Variants in PCDH9 observed in about 807,000 individuals in gnomAD.
PCDH9 encodes the protein protocadherin 9.
PCDH9 carries 24 observed loss-of-function variants against 70.6 expected under a neutral mutation model. The ratio of observed to expected loss-of-function variants is 0.34; its 90% confidence interval spans 0.25 to 0.48. PCDH9 has a LOEUF of 0.48. Among genes scored for constraint, PCDH9 ranks in the 20% least tolerant of loss-of-function variants. The pLI, the probability that PCDH9 is intolerant of heterozygous loss-of-function variation, is 0.99. For missense variants in PCDH9, 1,281 were observed against 1,503.6 expected (o/e 0.85, Z 2.45); for synonymous variants, 562 against 558.5 (o/e 1.01, Z -0.09).
intron 4 of PCDH9, among the ~76,000 whole-genome samples, chr13:66,424,035 GACAA>G (rs1463758857): frequency 2.6e-5 from 4 of 151,982 alleles, no homozygotes; most frequent in Non-Finnish European, 4.4e-5. Context: ...ACCAATAATA[GACAA>G]ACAGAGAGCC....
chr13:67,164,468 G>A (rs2088051346), intron 2 of PCDH9, among the ~76,000 whole-genome samples: 1 of 151,626 alleles, frequency 6.6e-6, no homozygotes, highest in African/African-American at 2.4e-5. Flanking sequence ...CCAGCTACTT[G>A]GGAGGCTGAA....
chr13:66,749,738 C>G (rs1401006320), intron 3 of PCDH9, among the ~76,000 whole-genome samples: 2 of 152,056 alleles, frequency 1.3e-5, no homozygotes, highest in Non-Finnish European at 2.9e-5. Flanking sequence ...AGTTATATAC[C>G]TCTAGGTTCC....
At chr13:66,682,462 T>C (rs999399652) in intron 3 of PCDH9, among the ~76,000 whole-genome samples, 5 of 152,072 alleles carry the variant, frequency 3.3e-5, no homozygotes, top group African/African-American at 1.2e-4. Flanking sequence ...AATTGAGTAC[T>C]CTTTTATGTA....
At chr13:67,052,346 A>G (rs1052232953) in intron 2 of PCDH9, among the ~76,000 whole-genome samples, 1 of 152,062 alleles carries the variant, frequency 6.6e-6, no homozygotes, top group Admixed American at 6.6e-5. Flanking sequence ...AGGCAGTGGA[A>G]AAGTGTGCCC....
chr13:67,036,531 T>C (rs1173198695), intron 2 of PCDH9, among the ~76,000 whole-genome samples: 1 of 152,184 alleles, frequency 6.6e-6, no homozygotes, highest in Non-Finnish European at 1.5e-5. Context: ...TTCAGAAAAC[T>C]GAGACATTCA....
intron 3 of PCDH9, among the ~76,000 whole-genome samples, chr13:66,779,966 G>T (rs918854865): frequency 2.7e-5 from 4 of 148,864 alleles, no homozygotes; most frequent in Admixed American, 1.4e-4. Flanking sequence ...GGAGAAATAG[G>T]GTGATATAGG....
At chr13:66,686,203 G>C (rs1239902096) in intron 3 of PCDH9, among the ~76,000 whole-genome samples, 1 of 152,148 alleles carries the variant, frequency 6.6e-6, no homozygotes, top group Non-Finnish European at 1.5e-5. Flanking sequence ...GGAGGTAATT[G>C]AATAATGGAG....
At chr13:66,407,526 G>A (rs1272161992) in intron 4 of PCDH9, among the ~76,000 whole-genome samples, 1 of 152,098 alleles carries the variant, frequency 6.6e-6, no homozygotes. Flanking sequence ...TAATGTTGTT[G>A]CTGTAGCTGT....
intron 4 of PCDH9, among the ~76,000 whole-genome samples, chr13:66,511,471 C>T (rs1229015404): frequency 1.3e-5 from 2 of 151,494 alleles, no homozygotes; most frequent in Non-Finnish European, 2.9e-5. Context: ...TTACATAGTC[C>T]CTGGAATGTT....
intron 4 of PCDH9, among the ~76,000 whole-genome samples, chr13:66,569,882 T>C (rs2076708389): frequency 6.6e-6 from 1 of 152,152 alleles, no homozygotes; most frequent in Admixed American, 6.6e-5. Context: ...TCTGCAATTG[T>C]CGTATGATTC....
intron 2 of PCDH9, among the ~76,000 whole-genome samples, chr13:67,115,980 C>T (rs1423647177): frequency 1.3e-5 from 2 of 152,116 alleles, no homozygotes; most frequent in African/African-American, 4.8e-5. Context: ...GTTTTGAATC[C>T]AGATGCTGCC....
chr13:66,326,224 C>T (rs1488989724), intron 4 of PCDH9, among the ~76,000 whole-genome samples: 2 of 152,174 alleles, frequency 1.3e-5, no homozygotes, highest in South Asian at 4.2e-4. Flanking sequence ...AATCCTTTCT[C>T]ACTTACATAT....
intron 2 of PCDH9, among the ~76,000 whole-genome samples, chr13:67,010,332 A>T (rs987781974): frequency 6.6e-6 from 1 of 152,002 alleles, no homozygotes; most frequent in Non-Finnish European, 1.5e-5. Context: ...CTAATCAGGT[A>T]AATTAGCAGC....
intron 3 of PCDH9, among the ~76,000 whole-genome samples, chr13:66,680,509 CTG>C (rs1344880208): frequency 6.6e-6 from 1 of 151,898 alleles, no homozygotes; most frequent in Non-Finnish European, 1.5e-5. Flanking sequence ...TCCATTGACT[CTG>C]TAATTTTCTT....
chr13:66,688,859 A>G (rs2078442308), intron 3 of PCDH9, among the ~76,000 whole-genome samples: 1 of 152,168 alleles, frequency 6.6e-6, no homozygotes, highest in South Asian at 2.1e-4. Context: ...ATAGCAAGAC[A>G]TTCATTGTAA....
At chr13:66,394,479 T>A (rs267308) in intron 4 of PCDH9, among the ~76,000 whole-genome samples, 151,887 of 152,338 alleles carry the variant, frequency 1, 75,720 homozygotes, top group East Asian at 1. Context: ...TTTTCTTTAC[T>A]GTTTATCAAT....
chr13:66,341,773 A>G (rs1361228852), intron 4 of PCDH9, among the ~76,000 whole-genome samples: 1 of 152,128 alleles, frequency 6.6e-6, no homozygotes, highest in East Asian at 1.9e-4. Context: ...TTGTATAGCA[A>G]TGGGCATAAA....
chr13:66,815,913 A>G (rs1293783996), intron 3 of PCDH9, among the ~76,000 whole-genome samples: 1 of 152,210 alleles, frequency 6.6e-6, no homozygotes, highest in Non-Finnish European at 1.5e-5. Flanking sequence ...CGAACCTAAC[A>G]TGAAAGTTAA....
chr13:67,084,500 T>G (rs1008328620), intron 2 of PCDH9, among the ~76,000 whole-genome samples: 1 of 152,110 alleles, frequency 6.6e-6, no homozygotes, highest in African/African-American at 2.4e-5. Flanking sequence ...CCATACTCCT[T>G]CCTTTAAAAA....
Sources: gnomAD v4.1 joint callset for allele counts (sites outside exome capture counted in the v4.1 genomes callset) on GRCh38, gnomAD v4.1.1 for gene constraint, MANE v1.5 for transcripts, NCBI Gene and HGNC (gene_info 2026-07-23, HGNC 2026-07-21) for gene names.